Variants in TTLL11 observed in about 807,000 individuals in gnomAD.
The protein encoded by TTLL11 is tubulin tyrosine ligase like 11, also known as tubulin polyglutamylase TTLL11.
TTLL11 carries 42 observed loss-of-function variants against 51.7 expected under a neutral mutation model. That is an observed-to-expected ratio of 0.81 (90% confidence interval 0.64 to 1.05). The LOEUF is 1.05. Ranked by LOEUF, TTLL11 falls within the 50% of genes least tolerant of loss-of-function variation. The pLI is 0.00. For missense variants in TTLL11, 799 were observed against 940.4 expected (o/e 0.85, Z 1.97); for synonymous variants, 381 against 383.5 (o/e 0.99, Z 0.08).
At chr9:121,987,500 T>C (rs572382562) in intron 4 of TTLL11, among the ~76,000 whole-genome samples, 2 of 152,192 alleles carry the variant, frequency 1.3e-5, no homozygotes, top group African/African-American at 4.8e-5. Flanking sequence ...TCCAGCCTCA[T>C]TCCCTTCCCT....
At chr9:122,024,887 A>T (rs1844282253) in intron 3 of TTLL11, among the ~76,000 whole-genome samples, 1 of 131,608 alleles carries the variant, frequency 7.6e-6, no homozygotes, top group South Asian at 2.8e-4. Flanking sequence ...CCTATATATG[A>T]CACAAAAAGC....
rs1228072478 is a variant in TTLL11 at position 121,817,731 on chromosome 9, A to T, written c.*4856T>A. On this transcript the variant is annotated 3_prime_UTR_variant, in exon 9 of 9. Coordinates refer to ENST00000321582, the MANE Select transcript of TTLL11 (RefSeq NM_001139442.2). ...TGCAGAACCGAGGAAGTGCCGAGGA[A>T]GGAGTGTGGGATCTGGAGCCAGCCG... The T allele has an allele frequency of 6.6e-6, 1 of 152,268 alleles. No individual in the cohort carries two copies. The highest frequency in any genetic ancestry group is 1.5e-5 in the Non-Finnish European group (1 of 68,080). The allele number at this position is 152,268 out of a possible 1,614,324, so 9.4% of individuals were successfully genotyped here.
intron 1 of TTLL11, among the ~76,000 whole-genome samples, chr9:122,060,642 C>T (rs563013852): frequency 2.0e-5 from 3 of 152,256 alleles, no homozygotes; most frequent in East Asian, 3.9e-4. Flanking sequence ...CAAGTTTTGC[C>T]GCTTGGATTC....
chr9:121,862,924 G>A (rs1163100926), intron 7 of TTLL11, among the ~76,000 whole-genome samples: 1 of 152,138 alleles, frequency 6.6e-6, no homozygotes, highest in Non-Finnish European at 1.5e-5. Context: ...GGCATCAGAG[G>A]CCCCTCTCCA....
At chr9:121,955,027 T>C (rs1003275286) in intron 6 of TTLL11, among the ~76,000 whole-genome samples, 3 of 152,102 alleles carry the variant, frequency 2.0e-5, no homozygotes, top group Admixed American at 6.5e-5. Context: ...AGACCTCGAC[T>C]CCCAGCCAGT....
chr9:121,980,826 A>C (rs1277927558), intron 4 of TTLL11, among the ~76,000 whole-genome samples: 1 of 152,250 alleles, frequency 6.6e-6, no homozygotes, highest in Non-Finnish European at 1.5e-5. Flanking sequence ...AATACTATGC[A>C]GCCATAAAAA....
chr9:121,926,450 T>C (rs1288842586), intron 6 of TTLL11, among the ~76,000 whole-genome samples: 2 of 152,238 alleles, frequency 1.3e-5, no homozygotes, highest in Non-Finnish European at 2.9e-5. Flanking sequence ...CATTCATTAA[T>C]CCTTTTCATT....
chr9:121,926,682 A>T (rs1840748394), intron 6 of TTLL11, among the ~76,000 whole-genome samples: 1 of 152,120 alleles, frequency 6.6e-6, no homozygotes, highest in Non-Finnish European at 1.5e-5. Flanking sequence ...CTCCCGTGTC[A>T]CTTTGAGTGG....
intron 1 of TTLL11, among the ~76,000 whole-genome samples, chr9:122,088,617 T>TA (rs1481206498): frequency 1.3e-5 from 2 of 152,172 alleles, no homozygotes; most frequent in Non-Finnish European, 2.9e-5. Context: ...TGTATATATG[T>TA]AGAGCACTTA....
Position 121,819,277 on chromosome 9 carries a change from G to C in TTLL11, c.*3310C>G, listed in dbSNP as rs114312629. 6.6e-6 allele frequency: 1 copy of C among 152,268 alleles called. No homozygotes were observed. Among genetic ancestry groups the C allele is most frequent in the Admixed American group, 6.5e-5 (1 of 15,286 alleles). 9.4% of individuals were successfully genotyped at this position (152,268 alleles called of 1,614,324 possible). On this transcript the variant is annotated 3_prime_UTR_variant, in exon 9 of 9. Transcript: ENST00000321582. ...CCCTAACAACAGAAATGCTGAGCCC[G>C]TCCCCCTAGGAGGTTGGAAGGAAGG...
chr9:121,826,217 T>TACATAC lies in TTLL11; in HGVS notation c.1841-3339_1841-3338insGTATGT, dbSNP rs1491163835. Among the ~76,000 whole-genome samples, 7 of 58,102 alleles carry TACATAC rather than the reference T, an allele frequency of 1.2e-4. 2 individuals carry two copies. The highest frequency in any genetic ancestry group is 1.6e-3 in the South Asian group (2 of 1,280). 38.1% of individuals were successfully genotyped at this position (58,102 alleles called of 152,430 possible). A position where few individuals can be genotyped will look rare whatever the true frequency, so the allele number is the denominator to read the frequency against. The stretch of plus-strand genomic sequence containing the variant: ...ATATATATATATATATATATATATA[T>TACATAC]GCACACATATATATATACACGCACA... On this transcript the variant is annotated intron_variant, in intron 8 of 8. Coordinates refer to ENST00000321582, the MANE Select transcript of TTLL11 (RefSeq NM_001139442.2).
intron 3 of TTLL11, among the ~76,000 whole-genome samples, chr9:121,991,222 A>G (rs751358073): frequency 1.3e-5 from 2 of 152,210 alleles, no homozygotes; most frequent in Non-Finnish European, 2.9e-5. Context: ...CTCTTTGACC[A>G]GCCTATATTT....
At chr9:121,861,574 G>C (rs1838014458) in intron 7 of TTLL11, among the ~76,000 whole-genome samples, 1 of 152,158 alleles carries the variant, frequency 6.6e-6, no homozygotes, top group Admixed American at 6.5e-5. Context: ...AACTCCACAT[G>C]TCAAGAAATA....
chr9:121,918,127 G>C (rs1287211813), intron 6 of TTLL11, among the ~76,000 whole-genome samples: 1 of 152,198 alleles, frequency 6.6e-6, no homozygotes, highest in African/African-American at 2.4e-5. Context: ...GGGTGTATCA[G>C]ATTTGCTGAG....
chr9:121,975,888 A>G (rs7868227), intron 4 of TTLL11, among the ~76,000 whole-genome samples: 61,018 of 152,010 alleles, frequency 0.4, 13,317 homozygotes, highest in East Asian at 0.66. Flanking sequence ...ACCCATTACT[A>G]TACAATGCAC....
intron 1 of TTLL11, among the ~76,000 whole-genome samples, chr9:122,072,068 C>A (rs1845744443): frequency 6.6e-6 from 1 of 152,176 alleles, no homozygotes. Flanking sequence ...CACACATACA[C>A]CCCTGTTTAA....
chr9:122,060,930 A>G (rs760971508), intron 1 of TTLL11, among the ~76,000 whole-genome samples: 3 of 152,206 alleles, frequency 2.0e-5, no homozygotes, highest in Non-Finnish European at 4.4e-5. Flanking sequence ...ACAAATTACC[A>G]TGAACTTGGT....
intron 6 of TTLL11, among the ~76,000 whole-genome samples, chr9:121,934,089 C>T (rs1252017283): frequency 2.0e-5 from 3 of 151,978 alleles, no homozygotes; most frequent in Non-Finnish European, 4.4e-5. Context: ...ATTAGCTGTG[C>T]GTGGTGTCAC....
At chr9:122,088,171 T>C (rs1311209930) in intron 1 of TTLL11, among the ~76,000 whole-genome samples, 1 of 152,204 alleles carries the variant, frequency 6.6e-6, no homozygotes, top group Non-Finnish European at 1.5e-5. Context: ...CTCTGTGATC[T>C]GGCTTCTTCA....
Sources: gnomAD v4.1 joint callset for allele counts (sites outside exome capture counted in the v4.1 genomes callset) on GRCh38, gnomAD v4.1.1 for gene constraint, MANE v1.5 for transcripts, NCBI Gene and HGNC (gene_info 2026-07-23, HGNC 2026-07-21) for gene names.